Variants in ENSA observed in about 807,000 individuals in gnomAD.
The protein encoded by ENSA is endosulfine alpha.
ENSA carries 7 observed loss-of-function variants against 16.8 expected under a neutral mutation model. The observed-to-expected ratio is 0.42, with a 90% CI of 0.24 to 0.78. ENSA has a LOEUF of 0.78. ENSA is among the 30% of genes least tolerant of loss of function. The pLI is 0.29. For synonymous variants in ENSA, 58 were observed against 53.4 expected (o/e 1.09, Z -0.37); for missense variants, 87 against 142.3 (o/e 0.61, Z 1.98).
chr1:150,627,219 C>T, intron 2 of ENSA: 1 of 1,505,068 alleles, frequency 6.6e-7, no homozygotes, highest in Middle Eastern at 2.0e-4. Flanking sequence ...AACATCTTTC[C>T]CTCATTTCCC....
chr1:150,629,183 T>G lies in ENSA; in HGVS notation c.57+231A>C, dbSNP rs913125812. 35 of 1,612,004 alleles carry G rather than the reference T, an allele frequency of 2.2e-5. No individual in the cohort carries two copies. In the African/African-American group the frequency reaches 3.9e-4, roughly 18 times the overall value. On this transcript the variant is annotated intron_variant, in intron 1 of 3. Transcript: ENST00000369014. ...CAATTATAGCACAGCGTCCAAGGTT[T>G]GAGCGGTAGGCCTATTGGCCAATCA... is the stretch of plus-strand genomic sequence containing the variant.
At position 150,625,022 on chromosome 1, in the gene ENSA, G is replaced by A. The variant is rs1649203917; in HGVS notation, c.350+620C>T. ...GAGAGAGAGAAGGTGCCCATTTTCTGTGAATAATGTTCATCAATCTTTATA... is the reference window on the plus strand; with the variant it reads ...GAGAGAGAGAAGGTGCCCATTTTCTATGAATAATGTTCATCAATCTTTATA... On this transcript the variant is annotated intron_variant, in intron 3 of 3. Coordinates refer to ENST00000369014, the MANE Select transcript of ENSA (RefSeq NM_004436.4). 6.1e-6 allele frequency: 6 copies of A among 985,250 alleles called. No homozygotes were observed. The Admixed American group carries it at 1.8e-4, about 30-fold the overall frequency. The allele number at this position is 985,250 out of a possible 1,614,324, so 61.0% of individuals were successfully genotyped here. A position where few individuals can be genotyped will look rare whatever the true frequency, so the allele number is the denominator to read the frequency against.
At position 150,629,580 on chromosome 1, in the gene ENSA, G is replaced by C. The variant is rs925823341; in HGVS notation, c.-110C>G. 5.0e-6 allele frequency: 7 copies of C among 1,397,066 alleles called. No homozygotes were observed. The highest frequency in any genetic ancestry group is 6.8e-6 in the Non-Finnish European group (7 of 1,023,384). 86.5% of individuals were successfully genotyped at this position (1,397,066 alleles called of 1,614,324 possible). ...CTGCTGCTTCGGCTCCTGTCACTAGGGTTGCTCAGTCAAAATGGCGGCCCT... is the reference window on the plus strand; with the variant it reads ...CTGCTGCTTCGGCTCCTGTCACTAGCGTTGCTCAGTCAAAATGGCGGCCCT... On this transcript the variant is annotated 5_prime_UTR_variant, in exon 1 of 4. Transcript: ENST00000369014.
chr1:150,622,891 A>G lies in ENSA; in HGVS notation c.351-32T>C, dbSNP rs749162884. 20 of 1,545,728 alleles carry G rather than the reference A, an allele frequency of 1.3e-5. No homozygotes were observed. In the South Asian group the frequency reaches 2.4e-4, roughly 19 times the overall value. ...ACGAACACAGAAGAAAAAAAAAAAA[A>G]ACAACACTGTCAAGTAATAGGGGAA... On this transcript the variant is annotated intron_variant, in intron 3 of 3. Transcript: ENST00000369014.
intron 1 of ENSA, among the ~76,000 whole-genome samples, chr1:150,628,608 C>T (rs1337408349): frequency 1.3e-5 from 2 of 151,616 alleles, no homozygotes; most frequent in African/African-American, 4.9e-5. Flanking sequence ...TTGGAAATTA[C>T]GCATAGATAT....
intron 3 of ENSA, chr1:150,625,366 C>T: frequency 1.8e-6 from 2 of 1,127,684 alleles, no homozygotes; most frequent in African/African-American, 1.6e-5. Flanking sequence ...GTTTCTCACA[C>T]AAAAAAAGCA....
chr1:150,624,361 G>A, intron 3 of ENSA: 1 of 985,916 alleles, frequency 1.0e-6, no homozygotes, highest in Non-Finnish European at 1.2e-6. Context: ...AGCCCCAGGG[G>A]CTAGCTCAGT....
chr1:150,622,847 T>G lies in ENSA; in HGVS notation c.363A>C (p.Glu121Asp). The part of the protein sequence containing the change: ...VTSKLAGGQV[E>D] ...TCTGGCAGAGCCCCGGGCAGCATCA[T>G]TCAACTTGGCCACTGCGGACGAACA... Residue 121 changes from glutamate to aspartate, a missense_variant, in exon 4 of 4, where the codon GAA (glutamate) becomes GAC (aspartate). Transcript: ENST00000369014. 1.3e-6 allele frequency: 2 copies of G among 1,557,792 alleles called. No individual in the cohort carries two copies. The highest frequency in any genetic ancestry group is 1.7e-6 in the Non-Finnish European group (2 of 1,150,992).
chr1:150,623,453 G>C (rs1649093215), intron 3 of ENSA: 1 of 985,684 alleles, frequency 1.0e-6, no homozygotes, highest in Non-Finnish European at 1.2e-6. Flanking sequence ...GAGAGACAGA[G>C]TGAGACCAAC....
chr1:150,626,622 T>C (rs1449286141), intron 2 of ENSA: 7 of 888,076 alleles, frequency 7.9e-6, no homozygotes, highest in Non-Finnish European at 1.2e-5. Context: ...AGTGGCACGA[T>C]CTCGGCTCAC....
intron 3 of ENSA, chr1:150,623,459 C>T (rs1282386555): frequency 3.0e-6 from 3 of 985,588 alleles, no homozygotes; most frequent in Non-Finnish European, 3.6e-6. Flanking sequence ...CAGAGTGAGA[C>T]CAACAGTTTT....
chr1:150,627,621 TTA>T, intron 1 of ENSA, 29 bp from the exon 2 acceptor site: 3 of 1,586,226 alleles, frequency 1.9e-6, no homozygotes, highest in Non-Finnish European at 2.6e-6. Flanking sequence ...CCAAATAAAA[TTA>T]AAGACTGAGA....
At chr1:150,624,376 C>G in intron 3 of ENSA, 1 of 985,880 alleles carries the variant, frequency 1.0e-6, no homozygotes, top group Non-Finnish European at 1.2e-6. Context: ...CTCAGTTTAC[C>G]CTTCTTCCTC....
chr1:150,622,702 A>G lies in ENSA; in HGVS notation c.*142T>C, dbSNP rs759880198. The stretch of plus-strand genomic sequence containing the variant: ...TCCATGTGCTGGGACACCAACAGGA[A>G]AGGGCTTCTGCCTCTCCAGCCCACA... On this transcript the variant is annotated 3_prime_UTR_variant, in exon 4 of 4. Coordinates refer to ENST00000369014, the MANE Select transcript of ENSA (RefSeq NM_004436.4). The G allele has an allele frequency of 5.2e-6, 4 of 771,446 alleles. No homozygotes were observed. Among genetic ancestry groups the G allele is most frequent in the East Asian group, 3.0e-5 (1 of 33,612 alleles). The allele number at this position is 771,446 out of a possible 1,614,324, so 47.8% of individuals were successfully genotyped here.
At chr1:150,622,989 A>T in intron 3 of ENSA, 130 bp from the exon 4 acceptor site, 1 of 1,252,598 alleles carries the variant, frequency 8.0e-7, no homozygotes. Context: ...GCTACCTGGC[A>T]TGTCTCAATC....
intron 2 of ENSA, 144 bp downstream of exon 2, chr1:150,627,322 CT>C: frequency 6.2e-7 from 1 of 1,602,186 alleles, no homozygotes; most frequent in Non-Finnish European, 8.5e-7. Flanking sequence ...ATTAATTTGA[CT>C]TGCTCTTTTC....
Position 150,622,620 on chromosome 1 carries a change from T to C in ENSA, c.*224A>G, listed in dbSNP as rs368889778. On this transcript the variant is annotated 3_prime_UTR_variant, in exon 4 of 4. Coordinates refer to ENST00000369014, the MANE Select transcript of ENSA (RefSeq NM_004436.4). ...TCATTGATATTTCTCCCAACTGTTA[T>C]TTGGAAAAAAGGTAAAACAAAAAAG... 78 of 164,070 alleles carry C rather than the reference T, an allele frequency of 4.8e-4. No individual in the cohort carries two copies. In the East Asian group the frequency reaches 9.3e-3, roughly 20 times the overall value. The allele number at this position is 164,070 out of a possible 1,614,324, so 10.2% of individuals were successfully genotyped here.
intron 3 of ENSA, 31 bp from the exon 4 acceptor site, chr1:150,622,890 A>AC: frequency 6.5e-7 from 1 of 1,546,640 alleles, no homozygotes; most frequent in Non-Finnish European, 8.7e-7. Flanking sequence ...AAAAAAAAAA[A>AC]AACAACACTG....
chr1:150,625,459 C>T (rs1420103076), intron 3 of ENSA, 183 bp downstream of exon 3: 19 of 1,312,336 alleles, frequency 1.4e-5, no homozygotes, highest in Middle Eastern at 2.9e-4. Flanking sequence ...GTCAATCTAA[C>T]GAAATAAATA....
Sources: gnomAD v4.1 joint callset for allele counts (sites outside exome capture counted in the v4.1 genomes callset) on GRCh38, gnomAD v4.1.1 for gene constraint, MANE v1.5 for transcripts, NCBI Gene and HGNC (gene_info 2026-07-23, HGNC 2026-07-21) for gene names.